EXOC6B: variants seen among roughly 807,000 people sequenced by gnomAD.
EXOC6B encodes SEC15 homolog B.
A neutral mutation model predicts 113.5 loss-of-function variants in EXOC6B; 54 were observed. The observed-to-expected ratio is 0.48, with a 90% CI of 0.38 to 0.60. The LOEUF (loss-of-function observed/expected upper bound fraction) is 0.60, where lower values mean the gene tolerates loss of function less well. Ranked by LOEUF, EXOC6B falls within the 20% of genes least tolerant of loss-of-function variation. The probability of loss-of-function intolerance (pLI) is 0.00; values close to 1 mark genes in which losing one functional copy is unlikely to be tolerated. For missense variants in EXOC6B, 797 were observed against 977.5 expected (o/e 0.82, Z 2.46); for synonymous variants, 357 against 339.0 (o/e 1.05, Z -0.58).
At chr2:72,487,434 C>G (rs1192503329) in intron 16 of EXOC6B, among the ~76,000 whole-genome samples, 1 of 152,184 alleles carries the variant, frequency 6.6e-6, no homozygotes, top group African/African-American at 2.4e-5. Context: ...AATCTCGGCT[C>G]ACTGCAACCT....
At chr2:72,498,667 A>G (rs1700169545) in intron 12 of EXOC6B, 116 bp from the exon 13 acceptor site, 1 of 604,414 alleles carries the variant, frequency 1.7e-6, no homozygotes, top group African/African-American at 1.9e-5. Flanking sequence ...CATTCTTTGA[A>G]CAGCAAATTA....
At chr2:72,400,982 C>T (rs13396606) in intron 18 of EXOC6B, among the ~76,000 whole-genome samples, 185 of 152,036 alleles carry the variant, frequency 1.2e-3, no homozygotes, top group African/African-American at 4.4e-3. Context: ...CAAAAAGATA[C>T]CTACGTTCAT....
Position 72,241,512 on chromosome 2 carries a change from T to C in EXOC6B, c.2197-57325A>G, listed in dbSNP as rs553271208. ...ACAGATCCAGGAATCTTGGAGAACA[T>C]GAAGCAAGATAAATACCAAAAAATC... On this transcript the variant is annotated intron_variant, in intron 20 of 21. Coordinates refer to ENST00000272427, the MANE Select transcript of EXOC6B (RefSeq NM_015189.3). 5.9e-5 allele frequency among the ~76,000 whole-genome samples: 9 copies of C among 152,106 alleles called. No individual in the cohort carries two copies. In the East Asian group the frequency reaches 1.7e-3, roughly 29 times the overall value.
chr2:72,297,705 G>T (rs1165218325), intron 20 of EXOC6B, among the ~76,000 whole-genome samples: 1 of 151,838 alleles, frequency 6.6e-6, no homozygotes, highest in Non-Finnish European at 1.5e-5. Context: ...GGTACATTGT[G>T]TCTTTAAATG....
chr2:72,383,736 T>C (rs1691829732), intron 18 of EXOC6B, among the ~76,000 whole-genome samples: 1 of 151,956 alleles, frequency 6.6e-6, no homozygotes, highest in East Asian at 1.9e-4. Context: ...ACCAAAGTCA[T>C]GGAATAAACC....
intron 11 of EXOC6B, among the ~76,000 whole-genome samples, chr2:72,502,349 G>A (rs1400066253): frequency 1.3e-5 from 2 of 152,058 alleles, no homozygotes; most frequent in Non-Finnish European, 2.9e-5. Flanking sequence ...GAAACTCTGG[G>A]CCAGCCTGGC....
intron 20 of EXOC6B, among the ~76,000 whole-genome samples, chr2:72,188,342 T>C (rs1477030471): frequency 6.6e-6 from 1 of 152,188 alleles, no homozygotes; most frequent in Admixed American, 6.5e-5. Context: ...TGACAAGCTA[T>C]CTAATTTATT....
chr2:72,186,883 C>G (rs1385429395), intron 20 of EXOC6B, among the ~76,000 whole-genome samples: 2 of 152,154 alleles, frequency 1.3e-5, no homozygotes, highest in Non-Finnish European at 2.9e-5. Context: ...GCTTTTCTGG[C>G]CGGAAACCTG....
Position 72,823,459 on chromosome 2 carries a change from G to GAAAAAAAAAAAAA in EXOC6B, c.113+2326_113+2338dup, listed in dbSNP as rs1237385156. Among the ~76,000 whole-genome samples, 28 of 69,926 alleles carry GAAAAAAAAAAAAA rather than the reference G, an allele frequency of 4.0e-4. 5 individuals are homozygous for GAAAAAAAAAAAAA. The highest frequency in any genetic ancestry group is 7.7e-4 in the Admixed American group (4 of 5,202). 45.9% of individuals were successfully genotyped at this position (69,926 alleles called of 152,430 possible). On this transcript the variant is annotated intron_variant, in intron 1 of 21. Transcript: ENST00000272427. ...CCAACTTCTCAAATCAAAGTTTTAA[G>GAAAAAAAAAAAAA]AAAAAAAAAAAAAAAAAAACAAAAA...
chr2:72,270,397 CTT>C (rs1684409623), intron 20 of EXOC6B, among the ~76,000 whole-genome samples: 1 of 152,130 alleles, frequency 6.6e-6, no homozygotes, highest in African/African-American at 2.4e-5. Context: ...CCAAGTCTCA[CTT>C]CTCTCTATAA....
chr2:72,414,297 G>A (rs1159080865), intron 18 of EXOC6B, among the ~76,000 whole-genome samples: 1 of 152,048 alleles, frequency 6.6e-6, no homozygotes, highest in Non-Finnish European at 1.5e-5. Flanking sequence ...CATAACAACA[G>A]CACAATTGCT....
At chr2:72,293,610 C>T (rs562870078) in intron 20 of EXOC6B, among the ~76,000 whole-genome samples, 3 of 152,064 alleles carry the variant, frequency 2.0e-5, no homozygotes, top group Non-Finnish European at 4.4e-5. Context: ...TAATAGGTAT[C>T]TGGTTTTTAA....
chr2:72,452,226 G>A (rs531248339), intron 18 of EXOC6B, among the ~76,000 whole-genome samples: 1 of 152,212 alleles, frequency 6.6e-6, no homozygotes, highest in East Asian at 1.9e-4. Flanking sequence ...TAGATGTCAG[G>A]TAAAGACAAA....
chr2:72,270,557 C>T (rs1404641557), intron 20 of EXOC6B, among the ~76,000 whole-genome samples: 2 of 152,094 alleles, frequency 1.3e-5, no homozygotes, highest in African/African-American at 2.4e-5. Context: ...ACACCCTTGC[C>T]CACTTTCCTA....
intron 20 of EXOC6B, among the ~76,000 whole-genome samples, chr2:72,263,028 C>A (rs1008934521): frequency 2.6e-5 from 4 of 152,052 alleles, no homozygotes; most frequent in Non-Finnish European, 1.5e-5. Context: ...TTGGGGGGGA[C>A]AATTTAGAAT....
intron 18 of EXOC6B, among the ~76,000 whole-genome samples, chr2:72,426,834 G>C (rs1013350610): frequency 6.6e-6 from 1 of 152,216 alleles, no homozygotes; most frequent in Non-Finnish European, 1.5e-5. Flanking sequence ...CAGGCCATCC[G>C]GAGCGGCCGC....
At chr2:72,560,795 G>T (rs1703846463) in intron 7 of EXOC6B, among the ~76,000 whole-genome samples, 1 of 150,730 alleles carries the variant, frequency 6.6e-6, no homozygotes, top group African/African-American at 2.4e-5. Flanking sequence ...AAAACTGATA[G>T]TAAGATGGTC....
At chr2:72,496,618 G>T in intron 13 of EXOC6B, 59 bp from the exon 14 acceptor site, 1 of 926,226 alleles carries the variant, frequency 1.1e-6, no homozygotes. Context: ...GGGGGTAGGG[G>T]AGGGGAACAG....
chr2:72,293,855 A>G (rs972221197), intron 20 of EXOC6B, among the ~76,000 whole-genome samples: 1 of 152,162 alleles, frequency 6.6e-6, no homozygotes, highest in Non-Finnish European at 1.5e-5. Flanking sequence ...GTATTTGAAT[A>G]TTTCCTTTTA....
Sources: gnomAD v4.1 joint callset for allele counts (sites outside exome capture counted in the v4.1 genomes callset) on GRCh38, gnomAD v4.1.1 for gene constraint, MANE v1.5 for transcripts, NCBI Gene and HGNC (gene_info 2026-07-23, HGNC 2026-07-21) for gene names.